OSTN: variants seen among roughly 807,000 people sequenced by gnomAD.
The protein encoded by OSTN is osteocrin.
In OSTN, 9 loss-of-function variants were observed where a neutral mutation model predicts 12.0. The ratio of observed to expected loss-of-function variants is 0.75; its 90% confidence interval spans 0.45 to 1.30. The LOEUF (loss-of-function observed/expected upper bound fraction) is 1.30. OSTN is among the 50% of genes most tolerant of loss of function. The pLI is 0.00. For missense variants in OSTN, 148 were observed against 152.3 expected, an observed-to-expected ratio of 0.97 and a Z score of 0.15; for synonymous variants, 59 against 56.9, an observed-to-expected ratio of 1.04 and a Z score of -0.16.
intron 3 of OSTN, among the ~76,000 whole-genome samples, chr3:191,247,982 C>A (rs769412765): frequency 6.6e-6 from 1 of 151,946 alleles, no homozygotes; most frequent in Non-Finnish European, 1.5e-5. Flanking sequence ...TACAGGAACA[C>A]GCCACCATGC....
chr3:191,201,112 T>TA (rs1167013576), intron 1 of OSTN, among the ~76,000 whole-genome samples: 1 of 152,136 alleles, frequency 6.6e-6, no homozygotes, highest in African/African-American at 2.4e-5. Context: ...TTTATTTATT[T>TA]TTTTTAGCTA....
intron 3 of OSTN, among the ~76,000 whole-genome samples, chr3:191,230,733 G>T (rs1319512070): frequency 1.3e-5 from 2 of 152,132 alleles, no homozygotes; most frequent in Non-Finnish European, 1.5e-5. Flanking sequence ...GCTGCCCTCT[G>T]GAACGTGCAG....
intron 3 of OSTN, among the ~76,000 whole-genome samples, chr3:191,225,300 A>G (rs1357757416): frequency 6.6e-6 from 1 of 152,248 alleles, no homozygotes; most frequent in East Asian, 1.9e-4. Flanking sequence ...TTTAAAGTTT[A>G]TTTATTATTA....
chr3:191,256,313 A>G (rs1451953720), intron 4 of OSTN, among the ~76,000 whole-genome samples: 1 of 152,196 alleles, frequency 6.6e-6, no homozygotes, highest in Non-Finnish European at 1.5e-5. Flanking sequence ...TAATTTGAAC[A>G]TGCCAAATAA....
Position 191,250,065 on chromosome 3 carries a change from T to C in OSTN, c.346T>C (p.Phe116Leu), listed in dbSNP as rs763258542. 1.2e-6 allele frequency: 2 copies of C among 1,613,870 alleles called. No individual in the cohort carries two copies. The highest frequency in any genetic ancestry group is 1.7e-6 in the Non-Finnish European group (2 of 1,179,772). ...RKVVDHPKRR[F>L]GIPMDRIGRN... Reference sequence around the variant, plus strand: ...AGTAGTAGATCATCCAAAAAGGCGATTTGGTATCCCCATGGATCGGATTGG... The same window carrying C: ...AGTAGTAGATCATCCAAAAAGGCGACTTGGTATCCCCATGGATCGGATTGG... The change falls in exon 4 of 5, where the codon TTT (phenylalanine) becomes CTT (leucine). Residue 116 changes from phenylalanine (F) to leucine (L), a missense_variant. Coordinates refer to ENST00000682035, the MANE Select transcript of OSTN (RefSeq NM_198184.2).
intron 4 of OSTN, among the ~76,000 whole-genome samples, chr3:191,257,587 C>T (rs1254629260): frequency 6.6e-6 from 1 of 152,124 alleles, no homozygotes; most frequent in Non-Finnish European, 1.5e-5. Context: ...CTGTCTAGAC[C>T]TCTGAATCGA....
chr3:191,225,653 A>G (rs550992302), intron 3 of OSTN, among the ~76,000 whole-genome samples: 2 of 152,314 alleles, frequency 1.3e-5, no homozygotes, highest in South Asian at 4.1e-4. Context: ...CATAAAAAAG[A>G]AGAAAATTAT....
chr3:191,234,533 C>T (rs1260597324), intron 3 of OSTN: 2 of 151,890 alleles, frequency 1.3e-5, no homozygotes, highest in Admixed American at 6.6e-5. Flanking sequence ...CCCGTCTCTA[C>T]TAAAAATATA....
At chr3:191,239,313 G>GTGAAAA (rs1553821227) in intron 3 of OSTN, among the ~76,000 whole-genome samples, 2,410 of 151,714 alleles carry the variant, frequency 0.016, 73 homozygotes, top group African/African-American at 0.055. Context: ...TGTATGCCCT[G>GTGAAAA]TGAAGGGATG....
In OSTN at chr3:191,207,524, C is replaced by G. The variant is rs577215755; in HGVS notation, c.1-5009C>G. 6.6e-5 allele frequency among the ~76,000 whole-genome samples: 10 copies of G among 152,276 alleles called. No individual in the cohort carries two copies. In the South Asian group the frequency reaches 2.1e-3, roughly 32 times the overall value. ...CTAACCATCTCTAACATTTATACAT[C>G]TCATAGAAGTTTGCTCTTTCTTTTG... On this transcript the variant is annotated intron_variant, in intron 1 of 4. Transcript: ENST00000682035.
At chr3:191,204,979 A>G (rs917018463) in intron 1 of OSTN, among the ~76,000 whole-genome samples, 2 of 152,228 alleles carry the variant, frequency 1.3e-5, no homozygotes, top group Non-Finnish European at 2.9e-5. Context: ...TATAGTTTAC[A>G]AAGTGTTTCT....
chr3:191,219,053 A>T, intron 3 of OSTN, 92 bp downstream of exon 3: 2 of 1,125,336 alleles, frequency 1.8e-6, no homozygotes, highest in Non-Finnish European at 2.5e-6. Flanking sequence ...AAATACAGTG[A>T]AAACCTTGTA....
chr3:191,227,742 G>T (rs1714948870), intron 3 of OSTN, among the ~76,000 whole-genome samples: 1 of 152,056 alleles, frequency 6.6e-6, no homozygotes, highest in African/African-American at 2.4e-5. Flanking sequence ...ACGACCATCT[G>T]GGCATTAGGG....
chr3:191,260,155 T>G (rs1224186918), intron 4 of OSTN, among the ~76,000 whole-genome samples: 1 of 152,028 alleles, frequency 6.6e-6, no homozygotes, highest in East Asian at 1.9e-4. Flanking sequence ...AGCCTGTGTA[T>G]CCTTTTAATT....
At chr3:191,220,204 T>C (rs1008412523) in intron 3 of OSTN, among the ~76,000 whole-genome samples, 4 of 152,178 alleles carry the variant, frequency 2.6e-5, no homozygotes, top group Admixed American at 2.6e-4. Flanking sequence ...AGGATACTTG[T>C]CGCAATTTGC....
At chr3:191,255,598 T>G (rs575761970) in intron 4 of OSTN, among the ~76,000 whole-genome samples, 96 of 152,238 alleles carry the variant, frequency 6.3e-4, no homozygotes, top group African/African-American at 2.2e-3. Context: ...AAACTAAAAA[T>G]GCTCACAAAT....
intron 3 of OSTN, 52 bp downstream of exon 3, chr3:191,219,013 G>C (rs769920798): frequency 1.4e-6 from 2 of 1,474,174 alleles, no homozygotes; most frequent in Admixed American, 3.9e-5. Flanking sequence ...TTTCCTTCTG[G>C]ATTCTAAATC....
chr3:191,205,180 TTAAC>T (rs1374866738), intron 1 of OSTN, among the ~76,000 whole-genome samples: 4 of 152,168 alleles, frequency 2.6e-5, no homozygotes, highest in African/African-American at 9.6e-5. Flanking sequence ...TAAATTAAGA[TTAAC>T]TAAAGTTAAA....
intron 3 of OSTN, among the ~76,000 whole-genome samples, chr3:191,230,832 G>A (rs1435629183): frequency 6.6e-6 from 1 of 152,094 alleles, no homozygotes; most frequent in Non-Finnish European, 1.5e-5. Flanking sequence ...AAAGAATTTA[G>A]TAAAATAATT....
Sources: allele counts gnomAD v4.1 joint callset (sites outside exome capture counted in the v4.1 genomes callset), GRCh38; gene constraint gnomAD v4.1.1; transcripts MANE v1.5; gene names NCBI Gene and HGNC (gene_info 2026-07-23, HGNC 2026-07-21).